RAPH1: variants seen among roughly 807,000 people sequenced by gnomAD.
RAPH1 encodes the protein ras-associated and pleckstrin homology domains-containing protein 1.
Under a neutral mutation model 88.1 loss-of-function variants are expected in RAPH1, and 18 were observed. The ratio of observed to expected loss-of-function variants is 0.20; its 90% CI spans 0.14 to 0.30. The LOEUF (loss-of-function observed/expected upper bound fraction) is 0.30, where lower values mean the gene tolerates loss of function less well. Ranked by LOEUF, RAPH1 falls within the 10% of genes least tolerant of loss-of-function variation. The probability of loss-of-function intolerance (pLI) is 1.00; values close to 1 mark genes in which losing one functional copy is unlikely to be tolerated. For synonymous variants in RAPH1, 587 were observed against 559.0 expected (o/e 1.05, Z -0.71); for missense variants, 1,448 against 1,543.2 (o/e 0.94, Z 1.03).
chr2:203,518,458 T>A (rs971365415), intron 1 of RAPH1, among the ~76,000 whole-genome samples: 29 of 151,414 alleles, frequency 1.9e-4, no homozygotes, highest in African/African-American at 7.0e-4. Context: ...GTGGAGGTTG[T>A]AGTGAGCCGA....
chr2:203,490,167 CA>C, intron 3 of RAPH1, 78 bp from the exon 4 acceptor site: 4 of 1,351,632 alleles, frequency 3.0e-6, no homozygotes, highest in Non-Finnish European at 4.0e-6. Context: ...GGTGATGAAG[CA>C]AAAGAATATA....
chr2:203,437,041 AG>A lies in RAPH1; in HGVS notation c.*2395del, dbSNP rs2098499080. 1.3e-5 allele frequency: 2 copies of A among 152,082 alleles called. No homozygotes were observed. Among genetic ancestry groups the A allele is most frequent in the African/African-American group, 4.8e-5 (2 of 41,378 alleles). The allele number at this position is 152,082 out of a possible 1,614,324, so 9.4% of individuals were successfully genotyped here. On this transcript the variant is annotated 3_prime_UTR_variant, in exon 14 of 14. Transcript: ENST00000319170. ...GGGGTTAAAATGAGTCTCCTCCTCT[AG>A]CCTTACTCTCTTCCTGGCATCATTA... is the stretch of plus-strand genomic sequence containing the variant.
At chr2:203,505,602 TTC>T (rs1443978939) in intron 1 of RAPH1, among the ~76,000 whole-genome samples, 4 of 152,150 alleles carry the variant, frequency 2.6e-5, no homozygotes, top group Non-Finnish European at 5.9e-5. Context: ...ATATAAAAAG[TTC>T]TGATTATCTT....
Position 203,437,935 on chromosome 2 carries a change from A to T in RAPH1, c.*1502T>A, listed in dbSNP as rs970739599. On this transcript the variant is annotated 3_prime_UTR_variant, in exon 14 of 14. Coordinates refer to ENST00000319170, the MANE Select transcript of RAPH1 (RefSeq NM_213589.3). Reference sequence around the variant, plus strand: ...TCTCTTGTTTAGGAGCTGCTCTGAGATTGTTTTATTCCTAATAGTCCAATT... The same window carrying T: ...TCTCTTGTTTAGGAGCTGCTCTGAGTTTGTTTTATTCCTAATAGTCCAATT... The T allele has an allele frequency of 5.9e-5, 18 of 304,088 alleles. No individual in the cohort carries two copies. The highest frequency in any genetic ancestry group is 9.0e-5 in the Non-Finnish European group (14 of 155,334). 18.8% of individuals were successfully genotyped at this position (304,088 alleles called of 1,614,324 possible). A position where few individuals can be genotyped will look rare whatever the true frequency, so the allele number is the denominator to read the frequency against.
intron 10 of RAPH1, among the ~76,000 whole-genome samples, 183 bp from the exon 11 acceptor site, chr2:203,449,019 T>C (rs1313006630): frequency 6.6e-6 from 1 of 152,232 alleles, no homozygotes; most frequent in African/African-American, 2.4e-5. Context: ...ACAAAGTAAA[T>C]GAGAAAGAAA....
rs550214057 is a variant in RAPH1 at position 203,438,469 on chromosome 2, A to G, written c.*968T>C. ...ATATGTAATAACACCTACCTAAAGC[A>G]CATATTTTAAGAAGGTAACTGGTGA... On this transcript the variant is annotated 3_prime_UTR_variant, in exon 14 of 14. Transcript: ENST00000319170. 4.6e-5 allele frequency: 12 copies of G among 259,362 alleles called. No homozygotes were observed. Among genetic ancestry groups the G allele is most frequent in the Middle Eastern group, 1.4e-3 (1 of 722 alleles). The allele number at this position is 259,362 out of a possible 1,614,324, so 16.1% of individuals were successfully genotyped here. A position where few individuals can be genotyped will look rare whatever the true frequency, so the allele number is the denominator to read the frequency against.
At position 203,448,212 on chromosome 2, in the gene RAPH1, A is replaced by G. The variant is rs1401683495; in HGVS notation, c.1513-133T>C. The G allele has an allele frequency of 2.8e-6, 2 of 703,224 alleles. No individual in the cohort carries two copies. The highest frequency in any genetic ancestry group is 3.7e-5 in the African/African-American group (2 of 54,752). The allele number at this position is 703,224 out of a possible 1,614,324, so 43.6% of individuals were successfully genotyped here. ...TAAAATTAATACCTATGATAGTTCA[A>G]AAATTCCTCTAATACCATAAATTAT... On this transcript the variant is annotated intron_variant, in intron 11 of 13. Transcript: ENST00000319170. The surrounding 1 kb of genome is among the most constrained non-coding windows in gnomAD (Gnocchi z 4.1).
rs2098500467 is a variant in RAPH1, at chr2:203,438,702, C to T, written c.*735G>A. The T allele has an allele frequency of 1.9e-5, 3 of 157,742 alleles. No individual in the cohort carries two copies. The highest frequency in any genetic ancestry group is 6.3e-5 in the Admixed American group (1 of 15,924). 9.8% of individuals were successfully genotyped at this position (157,742 alleles called of 1,614,324 possible). ...GCACATCCTAAATGTGGGTGGATCA[C>T]TGCAGCAGTACTGCAGCTAGAACAG... On this transcript the variant is annotated 3_prime_UTR_variant, in exon 14 of 14. Transcript: ENST00000319170.
chr2:203,504,301 C>G (rs1018520246), intron 1 of RAPH1, among the ~76,000 whole-genome samples: 1 of 152,226 alleles, frequency 6.6e-6, no homozygotes, highest in Non-Finnish European at 1.5e-5. Context: ...CTTCTGAAAT[C>G]TAGGCCGAAG....
In RAPH1 at chr2:203,490,093, C is replaced by A; in HGVS notation, c.227-4G>T. 1.3e-6 allele frequency: 2 copies of A among 1,595,808 alleles called. No individual in the cohort carries two copies. Among genetic ancestry groups the A allele is most frequent in the South Asian group, 1.1e-5 (1 of 88,744 alleles). ...GTCTCTCCCTGATTCAGAGCTTCTGCAATGAACAACACATAATGTTTCCAG... is the reference window on the plus strand; with the variant it reads ...GTCTCTCCCTGATTCAGAGCTTCTGAAATGAACAACACATAATGTTTCCAG... On this transcript the variant is annotated splice_region_variant and splice_polypyrimidine_tract_variant and intron_variant, in intron 3 of 13. Coordinates refer to ENST00000319170, the MANE Select transcript of RAPH1 (RefSeq NM_213589.3).
intron 4 of RAPH1, among the ~76,000 whole-genome samples, chr2:203,484,815 A>T (rs189695673): frequency 1.3e-5 from 2 of 152,344 alleles, no homozygotes; most frequent in East Asian, 3.9e-4. Flanking sequence ...TCTCAGGTAC[A>T]GATTAACATT....
intron 1 of RAPH1, among the ~76,000 whole-genome samples, chr2:203,525,443 A>G (rs1014848402): frequency 1.3e-5 from 2 of 152,020 alleles, no homozygotes; most frequent in Non-Finnish European, 2.9e-5. Flanking sequence ...TTGGCCTCCC[A>G]AAGTGCTGGG....
chr2:203,503,965 A>G (rs1473253993), intron 1 of RAPH1, among the ~76,000 whole-genome samples: 4 of 152,188 alleles, frequency 2.6e-5, no homozygotes, highest in Admixed American at 6.5e-5. Context: ...ACGCTGATGC[A>G]AAAGGTGGGT....
chr2:203,480,320 G>A (rs1196112984), intron 4 of RAPH1, among the ~76,000 whole-genome samples: 2 of 152,182 alleles, frequency 1.3e-5, no homozygotes, highest in East Asian at 1.9e-4. Flanking sequence ...AGGCCCAGGC[G>A]GGTGAATCAC....
At chr2:203,491,904 T>G (rs1046873043) in intron 2 of RAPH1, among the ~76,000 whole-genome samples, 2 of 152,198 alleles carry the variant, frequency 1.3e-5, no homozygotes, top group Admixed American at 6.6e-5. Context: ...TTTATATACA[T>G]GCACTATAAA....
intron 1 of RAPH1, among the ~76,000 whole-genome samples, chr2:203,506,782 A>ATATATATATCTATATATATC (rs1689045099): frequency 1.4e-5 from 1 of 70,380 alleles, no homozygotes; most frequent in African/African-American, 6.0e-5. Context: ...ATATATATCT[A>ATATATATATCTATATATATC]GATATATATA....
intron 2 of RAPH1, among the ~76,000 whole-genome samples, chr2:203,491,695 A>G (rs956795212): frequency 2.0e-5 from 3 of 152,108 alleles, no homozygotes; most frequent in Admixed American, 6.5e-5. Context: ...TTTAGTAGAG[A>G]CAGGGTGTCA....
intron 4 of RAPH1, among the ~76,000 whole-genome samples, chr2:203,487,527 T>G (rs1688025546): frequency 6.6e-6 from 1 of 152,070 alleles, no homozygotes; most frequent in African/African-American, 2.4e-5. Flanking sequence ...ATTACAGGCA[T>G]GCGCCACCAC....
At chr2:203,520,405 A>T (rs1416228694) in intron 1 of RAPH1, among the ~76,000 whole-genome samples, 2 of 151,812 alleles carry the variant, frequency 1.3e-5, no homozygotes, top group Non-Finnish European at 2.9e-5. Flanking sequence ...AGGCGGGTGG[A>T]TCACCTGAGG....
Sources: allele counts gnomAD v4.1 joint callset (sites outside exome capture counted in the v4.1 genomes callset), GRCh38; gene constraint gnomAD v4.1.1; non-coding constraint Gnocchi (gnomAD v3.1); transcripts MANE v1.5; gene names NCBI Gene and HGNC (gene_info 2026-07-23, HGNC 2026-07-21).